The following TACC2 variants were observed in gnomAD, a reference collection of about 807,000 sequenced individuals.
TACC2 encodes the protein transforming acidic coiled-coil-containing protein 2.
Under a neutral mutation model 227.3 loss-of-function variants are expected in TACC2, and 137 were observed. The ratio of observed to expected loss-of-function variants is 0.60; its 90% CI spans 0.52 to 0.69. The LOEUF (loss-of-function observed/expected upper bound fraction) is 0.69. Ranked by LOEUF, TACC2 falls within the 30% of genes least tolerant of loss-of-function variation. The pLI is 0.00. For synonymous variants in TACC2, 1,523 were observed against 1,487.5 expected (o/e 1.02, Z -0.55); for missense variants, 3,470 against 3,694.4 (o/e 0.94, Z 1.57).
intron 2 of TACC2, among the ~76,000 whole-genome samples, chr10:122,034,259 G>A (rs1391241106): frequency 2.0e-5 from 3 of 151,786 alleles, no homozygotes; most frequent in African/African-American, 7.3e-5. Context: ...AAGGAGTGAT[G>A]TTTAAGATTG....
At chr10:122,046,652 G>A (rs1346144901) in intron 2 of TACC2, among the ~76,000 whole-genome samples, 3 of 152,196 alleles carry the variant, frequency 2.0e-5, no homozygotes, top group African/African-American at 7.2e-5. Context: ...CCTGGACTTG[G>A]AGCAAAGATC....
chr10:122,022,095 C>A, intron 2 of TACC2, 81 bp downstream of exon 2: 1 of 1,437,284 alleles, frequency 7.0e-7, no homozygotes, highest in South Asian at 1.2e-5. Context: ...AGCGTCTCAT[C>A]TTCACCCAGG....
intron 1 of TACC2, among the ~76,000 whole-genome samples, chr10:121,996,869 T>G (rs1418007263): frequency 2.0e-5 from 3 of 151,972 alleles, no homozygotes; most frequent in African/African-American, 7.3e-5. Flanking sequence ...TAGAGTCTTT[T>G]CCCTGGACTC....
At position 122,168,474 on chromosome 10, in the gene TACC2, G is replaced by T. The variant is rs540005933; in HGVS notation, c.5834+24768G>T. The stretch of plus-strand genomic sequence containing the variant: ...GCCATTATTCCTAGATATCACCAGC[G>T]TGGCCCTGTGCCTGTGTTCATAAGG... On this transcript the variant is annotated intron_variant, in intron 7 of 22. Coordinates refer to ENST00000369005, the MANE Select transcript of TACC2 (RefSeq NM_206862.4). Among the ~76,000 whole-genome samples the T allele has an allele frequency of 3.9e-5, 6 of 152,234 alleles. No homozygotes were observed. In the South Asian group the frequency reaches 1.0e-3, roughly 26 times the overall value.
chr10:122,064,481 A>G (rs570196531), intron 3 of TACC2, among the ~76,000 whole-genome samples: 1 of 152,326 alleles, frequency 6.6e-6, no homozygotes, highest in East Asian at 1.9e-4. Flanking sequence ...AATGATGTAT[A>G]ATGAGACCAG....
In TACC2 at chr10:122,150,185, G is replaced by C. The variant is rs528272906; in HGVS notation, c.5834+6479G>C. Among the ~76,000 whole-genome samples, 4 of 152,356 alleles carry C rather than the reference G, an allele frequency of 2.6e-5. No individual in the cohort carries two copies. Among genetic ancestry groups the C allele is most frequent in the African/African-American group, 9.6e-5 (4 of 41,590 alleles). On this transcript the variant is annotated intron_variant, in intron 7 of 22. Coordinates refer to ENST00000369005, the MANE Select transcript of TACC2 (RefSeq NM_206862.4). This position sits in a 1 kb window ranked among gnomAD's most constrained non-coding sequence, Gnocchi z 4.0. ...TGGCCCTACTCTGGGGGCACAGCTG[G>C]GAGAAGCTGCAAAGCTTCAGCTTGT...
intron 6 of TACC2, among the ~76,000 whole-genome samples, chr10:122,142,232 T>C (rs1197256921): frequency 6.6e-6 from 1 of 152,196 alleles, no homozygotes; most frequent in African/African-American, 2.4e-5. Context: ...GCAGCATGGG[T>C]TCCAGCCCTG....
chr10:122,051,765 C>CTTTTTTTTTTTTTTTTTTTT (rs56185263), intron 3 of TACC2: 1 of 122,430 alleles, frequency 8.2e-6, no homozygotes, highest in African/African-American at 3.3e-5. Context: ...CTCAAAGTGA[C>CTTTTTTTTTTTTTTTTTTTT]TTTTTTTTTT....
intron 3 of TACC2, among the ~76,000 whole-genome samples, chr10:122,057,281 C>A (rs1310151084): frequency 3.3e-5 from 5 of 152,188 alleles, no homozygotes; most frequent in Admixed American, 3.3e-4. Context: ...CTGACTGGTG[C>A]ACTGGAGGGG....
At chr10:122,079,957 A>G (rs1169532303) in intron 3 of TACC2, among the ~76,000 whole-genome samples, 1 of 152,202 alleles carries the variant, frequency 6.6e-6, no homozygotes, top group Non-Finnish European at 1.5e-5. Context: ...TGTTGAAAGG[A>G]TGGGACAGTA....
chr10:122,036,157 T>C (rs1301103987), intron 2 of TACC2, among the ~76,000 whole-genome samples: 1 of 152,176 alleles, frequency 6.6e-6, no homozygotes, highest in Non-Finnish European at 1.5e-5. Flanking sequence ...CCGAATGATA[T>C]TCCATTGTGT....
In TACC2 at chr10:122,084,432, G is replaced by A. The variant is rs1384238466; in HGVS notation, c.1932G>A (p.Thr644=). Residue 644 remains threonine, a synonymous_variant, in exon 4 of 23, where the codon ACG becomes ACA. Transcript: ENST00000369005. ...QPPRKGGAGH[T]DGPHSQTAEA... ...CCAGAAAGGGGGGTGCTGGGCACAC[G>A]GACGGGCCCCACTCTCAGACAGCAG... 16 of 1,612,648 alleles carry A rather than the reference G, an allele frequency of 9.9e-6. 1 individual carries two copies. The highest frequency in any genetic ancestry group is 6.7e-5 in the Admixed American group (4 of 59,996).
At chr10:122,245,738 T>A (rs1478552970) in intron 19 of TACC2, among the ~76,000 whole-genome samples, 1 of 152,106 alleles carries the variant, frequency 6.6e-6, no homozygotes, top group African/African-American at 2.4e-5. Flanking sequence ...CTCTTAATAA[T>A]GGGTTACCAA....
At chr10:122,251,222 T>G (rs2096248588) in intron 22 of TACC2, among the ~76,000 whole-genome samples, 1 of 152,142 alleles carries the variant, frequency 6.6e-6, no homozygotes, top group Non-Finnish European at 1.5e-5. Context: ...TAATTTAATT[T>G]TTTACCTTTC....
At chr10:122,016,426 G>A (rs1956640352) in intron 1 of TACC2, among the ~76,000 whole-genome samples, 1 of 152,044 alleles carries the variant, frequency 6.6e-6, no homozygotes, top group Admixed American at 6.6e-5. Context: ...AATTAGCTGG[G>A]TGTGGTGGCA....
At chr10:122,138,289 C>G (rs1370001940) in intron 6 of TACC2, among the ~76,000 whole-genome samples, 1 of 152,150 alleles carries the variant, frequency 6.6e-6, no homozygotes, top group Admixed American at 6.5e-5. Context: ...GCAGGGATCA[C>G]CTGAGGTCAG....
chr10:122,166,788 G>A (rs546551956), intron 7 of TACC2, among the ~76,000 whole-genome samples: 2 of 152,248 alleles, frequency 1.3e-5, no homozygotes, highest in Admixed American at 1.3e-4. Context: ...TTCCTATCTG[G>A]CAAAGAAGTT....
chr10:122,250,439 G>C (rs17560220), intron 22 of TACC2, among the ~76,000 whole-genome samples: 2,521 of 152,348 alleles, frequency 0.017, 38 homozygotes, highest in Middle Eastern at 0.034. Flanking sequence ...TTTGGGCCTT[G>C]ATAGGCAGTG....
chr10:122,174,435 T>A (rs184263856), intron 7 of TACC2, among the ~76,000 whole-genome samples: 1 of 152,344 alleles, frequency 6.6e-6, no homozygotes, highest in Non-Finnish European at 1.5e-5. Context: ...AGACTGGCAT[T>A]CAGGGCCTCA....
Sources: allele counts gnomAD v4.1 joint callset (sites outside exome capture counted in the v4.1 genomes callset), GRCh38; gene constraint gnomAD v4.1.1; non-coding constraint Gnocchi (gnomAD v3.1); transcripts MANE v1.5; gene names NCBI Gene and HGNC (gene_info 2026-07-23, HGNC 2026-07-21).